Variants in SPATS2L observed in about 807,000 individuals in gnomAD.
SPATS2L encodes the protein spermatogenesis associated serine rich 2 like.
In SPATS2L, 30 loss-of-function variants were observed where a neutral mutation model predicts 59.6. The ratio of observed to expected loss-of-function variants is 0.50; its 90% CI spans 0.38 to 0.68. SPATS2L has a LOEUF of 0.68. Ranked by LOEUF, SPATS2L falls within the 30% of genes least tolerant of loss-of-function variation. SPATS2L has a pLI of 0.00. For missense variants in SPATS2L, 615 were observed against 700.0 expected (o/e 0.88, Z 1.37); for synonymous variants, 252 against 263.5 (o/e 0.96, Z 0.42).
At chr2:200,419,621 C>A in intron 6 of SPATS2L, 125 bp downstream of exon 6, 1 of 1,102,674 alleles carries the variant, frequency 9.1e-7, no homozygotes, top group Non-Finnish European at 1.3e-6. Context: ...GTGTACGATT[C>A]AGCCTTCCTG....
At chr2:200,358,920 A>C (rs1362660726) in intron 2 of SPATS2L, among the ~76,000 whole-genome samples, 2 of 152,024 alleles carry the variant, frequency 1.3e-5, no homozygotes, top group African/African-American at 2.4e-5. Flanking sequence ...CCAGGAGTTC[A>C]AAGTTGCAGT....
At chr2:200,379,241 A>G (rs890855351) in intron 2 of SPATS2L, among the ~76,000 whole-genome samples, 1 of 152,228 alleles carries the variant, frequency 6.6e-6, no homozygotes, top group African/African-American at 2.4e-5. Flanking sequence ...CAGGTACTGA[A>G]TAACTTTGTG....
intron 6 of SPATS2L, among the ~76,000 whole-genome samples, chr2:200,430,700 C>T (rs1301425640): frequency 1.3e-5 from 2 of 148,730 alleles, no homozygotes; most frequent in Non-Finnish European, 3.0e-5. Context: ...AACTGTTGTC[C>T]GTGTGAATTG....
At chr2:200,412,688 T>C (rs1343493805) in intron 4 of SPATS2L, among the ~76,000 whole-genome samples, 1 of 151,720 alleles carries the variant, frequency 6.6e-6, no homozygotes, top group African/African-American at 2.4e-5. Flanking sequence ...AAAAAGACTC[T>C]AGATAGTTTT....
chr2:200,376,742 C>T lies in SPATS2L; in HGVS notation c.-22-12481C>T, dbSNP rs2081613210. Among the ~76,000 whole-genome samples the T allele has an allele frequency of 2.6e-5, 4 of 152,332 alleles. No homozygotes were observed. In the South Asian group the frequency reaches 8.3e-4, roughly 32 times the overall value. ...GCAGCTGTTTTAAAAGCATGGAACA[C>T]AAATGACCCTGTGGACACAGACAGA... On this transcript the variant is annotated intron_variant, in intron 2 of 12. Coordinates refer to ENST00000409140, the MANE Select transcript of SPATS2L (RefSeq NM_001100423.2).
intron 1 of SPATS2L, among the ~76,000 whole-genome samples, chr2:200,322,929 A>G (rs1432674188): frequency 6.6e-6 from 1 of 152,152 alleles, no homozygotes; most frequent in Non-Finnish European, 1.5e-5. Context: ...GAGATCTCGA[A>G]TTTTTATAGC....
chr2:200,334,553 T>C (rs2080072827), intron 2 of SPATS2L, among the ~76,000 whole-genome samples: 1 of 151,824 alleles, frequency 6.6e-6, no homozygotes, highest in South Asian at 2.1e-4. Context: ...TTTGTTGCCA[T>C]TGCTTTTGGT....
intron 2 of SPATS2L, among the ~76,000 whole-genome samples, chr2:200,347,897 A>G (rs1313900996): frequency 1.3e-5 from 2 of 152,192 alleles, no homozygotes; most frequent in African/African-American, 4.8e-5. Context: ...ATCAAAATAT[A>G]TATCTTCTAA....
chr2:200,318,960 T>C (rs1402429461), intron 1 of SPATS2L, among the ~76,000 whole-genome samples: 1 of 152,172 alleles, frequency 6.6e-6, no homozygotes, highest in African/African-American at 2.4e-5. Context: ...GGACTTCATG[T>C]TATTTGTGAT....
intron 8 of SPATS2L, among the ~76,000 whole-genome samples, chr2:200,454,605 G>A (rs567500424): frequency 6.6e-6 from 1 of 152,100 alleles, no homozygotes; most frequent in Non-Finnish European, 1.5e-5. Context: ...CTTTGCCATG[G>A]TAATCTCCTC....
intron 2 of SPATS2L, among the ~76,000 whole-genome samples, chr2:200,367,147 A>G (rs1277805272): frequency 2.6e-5 from 4 of 152,208 alleles, no homozygotes; most frequent in Non-Finnish European, 4.4e-5. Context: ...TTTAGTCTGT[A>G]TTTCGTTAAA....
chr2:200,440,795 C>A lies in SPATS2L; in HGVS notation c.788+11C>A. 2 of 1,612,500 alleles carry A rather than the reference C, an allele frequency of 1.2e-6. No homozygotes were observed. The highest frequency in any genetic ancestry group is 2.2e-5 in the South Asian group (2 of 90,890). ...TGAATTACACAACTGGTGAGTGATTCAACGTAGGAACCATAAATTTGTGAT... is the reference window on the plus strand; with the variant it reads ...TGAATTACACAACTGGTGAGTGATTAAACGTAGGAACCATAAATTTGTGAT... On this transcript the variant is annotated intron_variant, in intron 8 of 12. Coordinates refer to ENST00000409140, the MANE Select transcript of SPATS2L (RefSeq NM_001100423.2).
rs752089617 is a variant in SPATS2L, at chr2:200,477,847, C to A, written c.1493C>A (p.Thr498Asn). The change falls in exon 13 of 13, where the codon ACC (threonine) becomes AAC (asparagine). Residue 498 changes from threonine (T) to asparagine (N), a missense_variant. Thr to Asn is a moderately conservative substitution (Grantham distance 65, BLOSUM62 0). Transcript: ENST00000409140. ...KNQEASLGMK[T>N]PEAPAHSEKP... ...CAAGAGGCTTCCTTGGGGATGAAGA[C>A]CCCCGAGGCCCCGGCCCATTCTGAA... is the stretch of plus-strand genomic sequence containing the variant. 2.5e-5 allele frequency: 40 copies of A among 1,585,026 alleles called. No individual in the cohort carries two copies. The highest frequency in any genetic ancestry group is 1.7e-4 in the Middle Eastern group (1 of 5,986).
chr2:200,335,831 C>T (rs2080124147), intron 2 of SPATS2L, among the ~76,000 whole-genome samples: 1 of 152,114 alleles, frequency 6.6e-6, no homozygotes, highest in African/African-American at 2.4e-5. Context: ...TAACTGATGG[C>T]AACTGTATTG....
At chr2:200,326,647 A>G (rs2079754370) in intron 1 of SPATS2L, among the ~76,000 whole-genome samples, 1 of 152,184 alleles carries the variant, frequency 6.6e-6, no homozygotes, top group Admixed American at 6.5e-5. Context: ...ACTCCCAAGC[A>G]CAGGTTACTT....
intron 2 of SPATS2L, among the ~76,000 whole-genome samples, chr2:200,333,723 A>G (rs372842933): frequency 3.3e-5 from 5 of 151,940 alleles, no homozygotes; most frequent in South Asian, 2.1e-4. Flanking sequence ...TCATTGTTCA[A>G]TTCCCACCTA....
chr2:200,307,110 C>A (rs879934357), intron 1 of SPATS2L, among the ~76,000 whole-genome samples, 188 bp downstream of exon 1: 1 of 150,722 alleles, frequency 6.6e-6, no homozygotes, highest in Admixed American at 6.6e-5. Context: ...GGGCTGGTGG[C>A]GCGGACCGGA....
chr2:200,370,327 GTAA>G (rs1342725776), intron 2 of SPATS2L, among the ~76,000 whole-genome samples: 2 of 152,184 alleles, frequency 1.3e-5, no homozygotes, highest in Non-Finnish European at 2.9e-5. Context: ...TGAAGAGAAT[GTAA>G]TAGATATGGT....
intron 2 of SPATS2L, among the ~76,000 whole-genome samples, chr2:200,388,125 T>C (rs775412243): frequency 1.3e-5 from 2 of 152,188 alleles, no homozygotes; most frequent in Admixed American, 6.5e-5. Context: ...AAGATACATA[T>C]GTATCAATCT....
Sources: gnomAD v4.1 joint callset for allele counts (sites outside exome capture counted in the v4.1 genomes callset) on GRCh38, gnomAD v4.1.1 for gene constraint, MANE v1.5 for transcripts, NCBI Gene and HGNC (gene_info 2026-07-23, HGNC 2026-07-21) for gene names.